UGT1A6: variants seen among roughly 807,000 people sequenced by gnomAD.
UGT1A6 encodes the protein UDP-glucuronosyltransferase 1A6.
In UGT1A6, 32 loss-of-function variants were observed where a neutral mutation model predicts 44.4. The observed-to-expected ratio is 0.72, with a 90% CI of 0.54 to 0.97. UGT1A6 has a LOEUF of 0.97. UGT1A6 is among the 50% of genes least tolerant of loss of function. UGT1A6 has a pLI of 0.00. For synonymous variants in UGT1A6, 238 were observed against 248.5 expected, an observed-to-expected ratio of 0.96 and a Z score of 0.40; for missense variants, 685 against 661.9, an observed-to-expected ratio of 1.03 and a Z score of -0.38.
chr2:233,707,103 C>T (rs1046537391), intron 1 of UGT1A6, among the ~76,000 whole-genome samples: 2 of 152,060 alleles, frequency 1.3e-5, no homozygotes, highest in Non-Finnish European at 1.5e-5. Flanking sequence ...AGCTGAGGGA[C>T]CCCCAAAATA....
At chr2:233,764,677 A>G (rs1698620096) in intron 1 of UGT1A6, among the ~76,000 whole-genome samples, 1 of 152,174 alleles carries the variant, frequency 6.6e-6, no homozygotes, top group Non-Finnish European at 1.5e-5. Flanking sequence ...CAGAAGAAAG[A>G]ACTTGAAGAG....
intron 1 of UGT1A6, among the ~76,000 whole-genome samples, chr2:233,748,613 G>C (rs1489441058): frequency 6.6e-6 from 1 of 151,820 alleles, no homozygotes; most frequent in South Asian, 2.1e-4. Flanking sequence ...AGCAACGAAC[G>C]TGGGATATAT....
At chr2:233,755,920 C>T (rs931187964) in intron 1 of UGT1A6, 4 of 147,692 alleles carry the variant, frequency 2.7e-5, no homozygotes, top group African/African-American at 1.0e-4. Flanking sequence ...AGAAGAGTGG[C>T]ATCGTTTTAC....
chr2:233,753,256 C>T (rs1695165978), intron 1 of UGT1A6: 1 of 152,214 alleles, frequency 6.6e-6, no homozygotes, highest in African/African-American at 2.4e-5. Flanking sequence ...AGCAACTACC[C>T]AGGCACCTTG....
intron 1 of UGT1A6, among the ~76,000 whole-genome samples, chr2:233,715,561 C>T (rs1394505306): frequency 6.6e-6 from 1 of 152,008 alleles, no homozygotes; most frequent in Non-Finnish European, 1.5e-5. Flanking sequence ...TGCTTGAGCC[C>T]AGGAGTCTGA....
At chr2:233,703,132 G>A (rs1172659956) in intron 1 of UGT1A6, among the ~76,000 whole-genome samples, 3 of 152,068 alleles carry the variant, frequency 2.0e-5, no homozygotes. Flanking sequence ...TACCTGTTAT[G>A]GCTTTATTTA....
intron 1 of UGT1A6, among the ~76,000 whole-genome samples, chr2:233,745,757 G>A (rs1464205566): frequency 6.7e-6 from 1 of 150,374 alleles, no homozygotes; most frequent in Admixed American, 6.6e-5. Flanking sequence ...AGCAGAAGGG[G>A]TGGAGAGGAG....
chr2:233,712,763 G>T (rs2125629904), intron 1 of UGT1A6, among the ~76,000 whole-genome samples: 1 of 152,292 alleles, frequency 6.6e-6, no homozygotes, highest in Non-Finnish European at 1.5e-5. Flanking sequence ...GCGAGCGCAA[G>T]GTCAGATGAG....
Position 233,768,272 on chromosome 2 carries a change from T to C in UGT1A6, c.1134T>C (p.Tyr378=). Residue 378 remains tyrosine, a synonymous_variant, in exon 4 of 5, where the codon TAT becomes TAC. Transcript: ENST00000305139. ...FITHAGSHGV[Y]ESICNGVPMV... ...CCCATGCTGGTTCCCATGGTGTTTATGAAAGCATATGCAATGGCGTTCCCA... is the reference window on the plus strand; with the variant it reads ...CCCATGCTGGTTCCCATGGTGTTTACGAAAGCATATGCAATGGCGTTCCCA... 1 of 1,614,214 alleles carries C rather than the reference T, an allele frequency of 6.2e-7. No homozygotes were observed. The highest frequency in any genetic ancestry group is 2.2e-5 in the East Asian group (1 of 44,870).
At chr2:233,717,554 G>A (rs1310316217) in intron 1 of UGT1A6, among the ~76,000 whole-genome samples, 2 of 152,208 alleles carry the variant, frequency 1.3e-5, no homozygotes, top group Non-Finnish European at 2.9e-5. Context: ...CACCAGCAAT[G>A]GCAGACATGG....
At chr2:233,767,325 T>C (rs1479941821) in intron 2 of UGT1A6, among the ~76,000 whole-genome samples, 160 bp downstream of exon 2, 1 of 152,210 alleles carries the variant, frequency 6.6e-6, no homozygotes, top group Non-Finnish European at 1.5e-5. Flanking sequence ...TTGTTGTGGT[T>C]GTTGTCATTG....
intron 1 of UGT1A6, among the ~76,000 whole-genome samples, chr2:233,711,069 T>C (rs914736641): frequency 2.6e-5 from 4 of 152,212 alleles, no homozygotes; most frequent in Non-Finnish European, 5.9e-5. Context: ...TCACCACTTA[T>C]GCTGATGGCT....
At chr2:233,709,425 C>T (rs1055346708) in intron 1 of UGT1A6, among the ~76,000 whole-genome samples, 1 of 152,240 alleles carries the variant, frequency 6.6e-6, no homozygotes, top group African/African-American at 2.4e-5. Context: ...AGAATGTCCT[C>T]CAGAAAGGAT....
chr2:233,691,773 A>C, upstream of UGT1A6: 3 of 342,282 alleles, frequency 8.8e-6, no homozygotes, highest in Non-Finnish European at 1.2e-5. Context: ...TAGGATTCTC[A>C]CCACGTACTG....
chr2:233,694,661 G>T (rs1365706978), intron 1 of UGT1A6, among the ~76,000 whole-genome samples: 2 of 152,122 alleles, frequency 1.3e-5, no homozygotes, highest in African/African-American at 4.8e-5. Context: ...TTTTATCAGA[G>T]AGAAAGCCTC....
intron 1 of UGT1A6, among the ~76,000 whole-genome samples, chr2:233,765,966 G>A (rs538817499): frequency 3.1e-4 from 47 of 152,252 alleles, no homozygotes; most frequent in African/African-American, 1.1e-3. Context: ...GTGTCTAGAG[G>A]TGGATGTTTA....
chr2:233,728,938 C>T (rs1263603941), intron 1 of UGT1A6, among the ~76,000 whole-genome samples: 18 of 152,162 alleles, frequency 1.2e-4, no homozygotes, highest in Admixed American at 9.2e-4. Flanking sequence ...CGGTCTTTTC[C>T]AGGGTGGGGC....
At chr2:233,699,067 C>G (rs918094960) in intron 1 of UGT1A6, among the ~76,000 whole-genome samples, 1 of 152,220 alleles carries the variant, frequency 6.6e-6, no homozygotes, top group African/African-American at 2.4e-5. Flanking sequence ...CCAGCCCTGC[C>G]CAGGGCCTTC....
chr2:233,751,725 C>G (rs1174648123), intron 1 of UGT1A6, among the ~76,000 whole-genome samples: 1 of 152,184 alleles, frequency 6.6e-6, no homozygotes, highest in African/African-American at 2.4e-5. Context: ...CAAGTGAACT[C>G]TTCCTCTCTG....
Sources: allele counts gnomAD v4.1 joint callset (sites outside exome capture counted in the v4.1 genomes callset), GRCh38; gene constraint gnomAD v4.1.1; transcripts MANE v1.5; gene names NCBI Gene and HGNC (gene_info 2026-07-23, HGNC 2026-07-21).